The following PLET1 variants were observed in gnomAD, a reference collection of about 807,000 sequenced individuals.
The protein encoded by PLET1 is placenta expressed transcript 1.
In PLET1, 20 loss-of-function variants were observed where a neutral mutation model predicts 18.5. That is an observed-to-expected ratio of 1.08 (90% CI 0.76 to 1.57). The LOEUF (loss-of-function observed/expected upper bound fraction) is 1.57, where lower values mean the gene tolerates loss of function less well. PLET1 is among the 40% of genes most tolerant of loss of function. The pLI is 0.00. For synonymous variants in PLET1, 93 were observed against 93.8 expected (o/e 0.99, Z 0.05); for missense variants, 256 against 246.4 (o/e 1.04, Z -0.26).
chr11:112,258,281 CTTTTTTTTT>C (rs35254168), intron 1 of PLET1, among the ~76,000 whole-genome samples: 3 of 97,702 alleles, frequency 3.1e-5, no homozygotes, highest in South Asian at 7.6e-4. Context: ...TTCTTTCTTT[CTTTTTTTTT>C]TTTTTTTTTT....
Position 112,260,459 on chromosome 11 carries a change from G to T in PLET1, c.131C>A (p.Thr44Asn), listed in dbSNP as rs1428307246. Residue 44 changes from threonine (T) to asparagine (N), a missense_variant, in exon 1 of 4, where the codon ACC becomes AAC. By Grantham distance (65) the Thr-to-Asn change is moderately conservative. Transcript: ENST00000338832. Reference sequence around the variant, plus strand: ...ATGTGAACTGGCCTTGATGTCTAGGGTTATGGTGTAGTATTCATCAAAGGT... The same window carrying T: ...ATGTGAACTGGCCTTGATGTCTAGGTTTATGGTGTAGTATTCATCAAAGGT... ...CFTFDEYYTI[T>N]LDIKASSHIY... 1 of 1,551,834 alleles carries T rather than the reference G, an allele frequency of 6.4e-7. No homozygotes were observed. The highest frequency in any genetic ancestry group is 1.4e-5 in the African/African-American group (1 of 73,170).
intron 1 of PLET1, among the ~76,000 whole-genome samples, chr11:112,257,772 A>G (rs771265301): frequency 6.6e-6 from 1 of 152,182 alleles, no homozygotes; most frequent in East Asian, 1.9e-4. Flanking sequence ...CCACTTATAC[A>G]CAGTTTACCA....
Position 112,255,565 on chromosome 11 carries a change from A to T in PLET1, c.209T>A (p.Val70Asp). ...YSVFVPVNDS[V>D]YAVVMKTLDE... ...CAAGGTTTTCATGACCACAGCATAG[A>T]CGCTGTCATTCACGGGAACAAATAC... Residue 70 changes from valine (V) to aspartate (D), a missense_variant, in exon 2 of 4, where the codon GTC becomes GAC. Coordinates refer to ENST00000338832, the MANE Select transcript of PLET1 (RefSeq NM_001145024.1). 6.4e-7 allele frequency: 1 copy of T among 1,551,298 alleles called. No homozygotes were observed. Among genetic ancestry groups the T allele is most frequent in the Non-Finnish European group, 8.7e-7 (1 of 1,146,798 alleles).
intron 2 of PLET1, among the ~76,000 whole-genome samples, chr11:112,253,333 T>C (rs1860178634): frequency 6.6e-6 from 1 of 152,080 alleles, no homozygotes; most frequent in South Asian, 2.1e-4. Context: ...CCCATCCCTT[T>C]TGTGCCCAGC....
At chr11:112,252,083 G>A (rs1255404440) in intron 3 of PLET1, among the ~76,000 whole-genome samples, 1 of 152,206 alleles carries the variant, frequency 6.6e-6, no homozygotes, top group Non-Finnish European at 1.5e-5. Context: ...TATGGAAGCG[G>A]CATTTGGAGC....
In PLET1 at chr11:112,255,453, G is replaced by C. The variant is rs372730510; in HGVS notation, c.321C>G (p.Tyr107Ter). The C allele has an allele frequency of 2.6e-5, 40 of 1,552,190 alleles. 1 individual carries two copies. In the South Asian group the frequency reaches 4.6e-4, roughly 18 times the overall value. The change falls in exon 2 of 4, where the codon TAC becomes TAG. Residue 107 changes from tyrosine to a stop codon, truncating the protein, a stop_gained. Transcript: ENST00000338832. LOFTEE classifies it high-confidence loss of function. ...SNSTYYVKDQ[Y>*]MTVLEAQWQA... ...GCCACTGTGCCTCTAAGACCGTCAT[G>C]TATTGATCTTTCACGTAATACGTGG...
Position 112,255,540 on chromosome 11 carries a change from C to G in PLET1, c.234G>C (p.Leu78Phe). The change falls in exon 2 of 4, where the codon TTG becomes TTC. Residue 78 changes from leucine (L) to phenylalanine (F), a missense_variant. Physicochemically the swap from Leu to Phe is conservative, Grantham distance 22. Transcript: ENST00000338832. Reference sequence around the variant, plus strand: ...GGCCCGCTGAGTCACTGTTCTCGTCCAAGGTTTTCATGACCACAGCATAGA... The same window carrying G: ...GGCCCGCTGAGTCACTGTTCTCGTCGAAGGTTTTCATGACCACAGCATAGA... ...DSVYAVVMKT[L>F]DENSDSAGLW... 3 of 1,551,510 alleles carry G rather than the reference C, an allele frequency of 1.9e-6. No individual in the cohort carries two copies. The highest frequency in any genetic ancestry group is 1.7e-6 in the Non-Finnish European group (2 of 1,146,826).
chr11:112,259,503 C>T (rs1171095718), intron 1 of PLET1, among the ~76,000 whole-genome samples: 4 of 152,124 alleles, frequency 2.6e-5, no homozygotes, highest in Non-Finnish European at 5.9e-5. Context: ...CTACTGGACA[C>T]CTCTAAGAAA....
At chr11:112,256,500 A>G (rs985227531) in intron 1 of PLET1, among the ~76,000 whole-genome samples, 1 of 152,174 alleles carries the variant, frequency 6.6e-6, no homozygotes, top group African/African-American at 2.4e-5. Flanking sequence ...CATTCACTCC[A>G]TAAATATTTC....
In PLET1 at chr11:112,255,517, C is replaced by A. The variant is rs992964811; in HGVS notation, c.257G>T (p.Gly86Val). 6 of 1,551,698 alleles carry A rather than the reference C, an allele frequency of 3.9e-6. No homozygotes were observed. The highest frequency in any genetic ancestry group is 5.2e-6 in the Non-Finnish European group (6 of 1,146,896). Reference protein sequence around the residue: ...KTLDENSDSAGLWQRADKNCY... With the variant: ...KTLDENSDSAVLWQRADKNCY... ...ATTTTTATCCGCTCTTTGCCAGAGG[C>A]CCGCTGAGTCACTGTTCTCGTCCAA... Residue 86 changes from glycine (G) to valine (V), a missense_variant, in exon 2 of 4, where the codon GGC becomes GTC. Coordinates refer to ENST00000338832, the MANE Select transcript of PLET1 (RefSeq NM_001145024.1).
At position 112,260,517 on chromosome 11, in the gene PLET1, C is replaced by A. The variant is rs1274176088; in HGVS notation, c.73G>T (p.Ala25Ser). 1.3e-6 allele frequency: 2 copies of A among 1,551,652 alleles called. No homozygotes were observed. The highest frequency in any genetic ancestry group is 1.7e-6 in the Non-Finnish European group (2 of 1,146,920). ...GTGCTACTGTACCTTATAAAGGTGGCAGAAGAAAGCTGCAGACTGAGGCAC... is the reference window on the plus strand; with the variant it reads ...GTGCTACTGTACCTTATAAAGGTGGAAGAAGAAAGCTGCAGACTGAGGCAC... ...FLCLSLQLSS[A>S]TFIRYSSTCF... Residue 25 changes from alanine to serine, a missense_variant, in exon 1 of 4, where the codon GCC becomes TCC. Transcript: ENST00000338832.
In PLET1 at chr11:112,248,441, A is replaced by G; in HGVS notation, c.*358T>C. The G allele has an allele frequency of 2.5e-6, 1 of 403,244 alleles. No individual in the cohort carries two copies. Among genetic ancestry groups the G allele is most frequent in the Admixed American group, 4.3e-5 (1 of 23,320 alleles). 25.0% of individuals were successfully genotyped at this position (403,244 alleles called of 1,614,324 possible). On this transcript the variant is annotated 3_prime_UTR_variant, in exon 4 of 4. Transcript: ENST00000338832. The stretch of plus-strand genomic sequence containing the variant: ...AAGTAAGGAAGGATTCTTCCCACAG[A>G]AACTCAGAGGTTGCAGGGGAATCAT...
intron 1 of PLET1, among the ~76,000 whole-genome samples, chr11:112,259,962 C>T (rs1477440258): frequency 6.6e-6 from 1 of 152,114 alleles, no homozygotes; most frequent in African/African-American, 2.4e-5. Flanking sequence ...TGCTTGAACC[C>T]AGGAGGCGGA....
At chr11:112,257,328 A>G (rs2135418961) in intron 1 of PLET1, among the ~76,000 whole-genome samples, 1 of 149,490 alleles carries the variant, frequency 6.7e-6, no homozygotes, top group South Asian at 2.1e-4. Context: ...CAGCTTGCTT[A>G]TGTCCCACCT....
chr11:112,259,554 A>AACTG (rs2135419772), intron 1 of PLET1, among the ~76,000 whole-genome samples: 1 of 152,356 alleles, frequency 6.6e-6, no homozygotes, highest in South Asian at 2.1e-4. Context: ...TTCAAGAGCC[A>AACTG]GTTCTATGAC....
In PLET1 at chr11:112,248,968, G is replaced by A. The variant is rs1205833760; in HGVS notation, c.455C>T (p.Thr152Ile). 1.3e-6 allele frequency: 2 copies of A among 1,550,204 alleles called. No homozygotes were observed. Among genetic ancestry groups the A allele is most frequent in the Admixed American group, 3.9e-5 (2 of 50,974 alleles). ...STLKLREKLS[T>I]LALAAKIPQS... ...GGGAATCTTGGCAGCTAAGGCTAAG[G>A]TTGACACTGGAAAGGTGGTTGAGGG... The change falls in exon 4 of 4, where the codon ACC (threonine) becomes ATC (isoleucine). Residue 152 changes from threonine (T) to isoleucine (I), a missense_variant. Thr to Ile is a moderately conservative substitution (Grantham distance 89). Coordinates refer to ENST00000338832, the MANE Select transcript of PLET1 (RefSeq NM_001145024.1).
chr11:112,255,640 A>C, intron 1 of PLET1, 51 bp from the exon 2 acceptor site: 1 of 1,462,726 alleles, frequency 6.8e-7, no homozygotes, highest in South Asian at 1.2e-5. Context: ...CTCTGAGCCA[A>C]GCTCGAGGGA....
intron 2 of PLET1, among the ~76,000 whole-genome samples, chr11:112,254,848 TGTG>T (rs1350318807): frequency 7.8e-6 from 1 of 128,570 alleles, no homozygotes; most frequent in Non-Finnish European, 1.6e-5. Context: ...TTGTGTGTGG[TGTG>T]TGTGTGGTAT....
intron 3 of PLET1, among the ~76,000 whole-genome samples, chr11:112,251,034 G>A (rs969535857): frequency 6.6e-6 from 1 of 152,204 alleles, no homozygotes; most frequent in African/African-American, 2.4e-5. Context: ...GTCTTTCAGT[G>A]TCTGGGGGCT....
Sources: allele counts gnomAD v4.1 joint callset (sites outside exome capture counted in the v4.1 genomes callset), GRCh38; gene constraint gnomAD v4.1.1; transcripts MANE v1.5; gene names NCBI Gene and HGNC (gene_info 2026-07-23, HGNC 2026-07-21).